PLCB1: variants seen among roughly 807,000 people sequenced by gnomAD.
PLCB1 encodes 1-phosphatidylinositol 4,5-bisphosphate phosphodiesterase beta-1.
A neutral mutation model predicts 161.8 loss-of-function variants in PLCB1; 46 were observed. That is an observed-to-expected ratio of 0.28 (90% CI 0.22 to 0.36). The LOEUF is 0.36. Among genes scored for constraint, PLCB1 ranks in the 10% least tolerant of loss-of-function variants. The pLI is 1.00. For synonymous variants in PLCB1, 517 were observed against 503.7 expected, an observed-to-expected ratio of 1.03 and a Z score of -0.35; for missense variants, 1,016 against 1,472.5, an observed-to-expected ratio of 0.69 and a Z score of 5.07.
intron 3 of PLCB1, among the ~76,000 whole-genome samples, chr20:8,413,745 G>A (rs1373504056): frequency 1.3e-5 from 2 of 152,162 alleles, no homozygotes; most frequent in African/African-American, 4.8e-5. Flanking sequence ...AACATATTCT[G>A]AATCTTTTAT....
At chr20:8,579,999 A>G (rs6055916) in intron 3 of PLCB1, among the ~76,000 whole-genome samples, 60,224 of 151,990 alleles carry the variant, frequency 0.4, 13,153 homozygotes, top group African/African-American at 0.6. Flanking sequence ...AGCTCTCTCT[A>G]TTGTCTGGTA....
At position 8,169,780 on chromosome 20, in the gene PLCB1, C is replaced by A. The variant is rs190444533; in HGVS notation, c.177+19409C>A. ...AGGACAGGGTGCGTGGTGCATGTGGCCTAGTCTACAATTGCTTCTGGCCTA... is the reference window on the plus strand; with the variant it reads ...AGGACAGGGTGCGTGGTGCATGTGGACTAGTCTACAATTGCTTCTGGCCTA... On this transcript the variant is annotated intron_variant, in intron 2 of 31. Transcript: ENST00000338037. Among the ~76,000 whole-genome samples, 24 of 152,184 alleles carry A rather than the reference C, an allele frequency of 1.6e-4. No homozygotes were observed. The East Asian group carries it at 4.6e-3, about 29-fold the overall frequency.
chr20:8,185,424 G>A (rs56328920), intron 2 of PLCB1, among the ~76,000 whole-genome samples: 23,350 of 152,016 alleles, frequency 0.15, 2,289 homozygotes, highest in Admixed American at 0.24. Context: ...CTAATGGGGA[G>A]CAGAAGGAAA....
At chr20:8,610,237 C>A (rs1303393477) in intron 3 of PLCB1, among the ~76,000 whole-genome samples, 2 of 152,154 alleles carry the variant, frequency 1.3e-5, no homozygotes, top group Non-Finnish European at 2.9e-5. Context: ...CAACCTAATA[C>A]CTGGTATGTA....
At chr20:8,619,916 G>A (rs937548310) in intron 3 of PLCB1, among the ~76,000 whole-genome samples, 2 of 152,128 alleles carry the variant, frequency 1.3e-5, no homozygotes, top group East Asian at 1.9e-4. Flanking sequence ...ATACTAAAAT[G>A]TTCTTGTCTC....
At chr20:8,249,396 A>G (rs1213577960) in intron 2 of PLCB1, 2 of 151,952 alleles carry the variant, frequency 1.3e-5, no homozygotes, top group African/African-American at 4.8e-5. Context: ...AAGTTAATAA[A>G]ACACTTCATC....
rs183694737 is a variant in PLCB1, at chr20:8,724,415, G to A, written c.1582-241G>A. Among the ~76,000 whole-genome samples the A allele has an allele frequency of 3.0e-3, 458 of 152,174 alleles. 1 individual carries two copies. The highest frequency in any genetic ancestry group is 3.7e-3 in the Non-Finnish European group (252 of 67,970). On this transcript the variant is annotated intron_variant, in intron 15 of 31. Transcript: ENST00000338037. ...GAAAGGAGGGGGCAGGGGATAGGGA[G>A]TGATTATGTTGGGGCCATGCTGCCA...
intron 9 of PLCB1, among the ~76,000 whole-genome samples, chr20:8,680,253 C>T (rs181137861): frequency 5.9e-5 from 9 of 152,144 alleles, no homozygotes; most frequent in Non-Finnish European, 1.0e-4. Flanking sequence ...TAGTCAATGG[C>T]GACAATAATA....
chr20:8,496,912 C>A (rs1486341718), intron 3 of PLCB1, among the ~76,000 whole-genome samples: 1 of 152,160 alleles, frequency 6.6e-6, no homozygotes, highest in African/African-American at 2.4e-5. Flanking sequence ...ATAATATCCT[C>A]ACTTTACAGG....
intron 2 of PLCB1, among the ~76,000 whole-genome samples, chr20:8,168,512 A>G (rs2051698411): frequency 6.6e-6 from 1 of 152,160 alleles, no homozygotes; most frequent in Non-Finnish European, 1.5e-5. Flanking sequence ...CTGAAAGAAG[A>G]TCCCTGTAAG....
At chr20:8,654,647 T>C (rs1989404246) in intron 7 of PLCB1, among the ~76,000 whole-genome samples, 1 of 152,098 alleles carries the variant, frequency 6.6e-6, no homozygotes, top group African/African-American at 2.4e-5. Flanking sequence ...GTGTCATGTC[T>C]AGCTGATGTG....
chr20:8,185,491 T>C (rs2051893260), intron 2 of PLCB1, among the ~76,000 whole-genome samples: 2 of 151,890 alleles, frequency 1.3e-5, no homozygotes, highest in African/African-American at 4.8e-5. Flanking sequence ...ATTTCTAAGG[T>C]ATGTTGATCG....
intron 3 of PLCB1, among the ~76,000 whole-genome samples, chr20:8,382,626 T>C (rs1987294502): frequency 6.8e-6 from 1 of 146,612 alleles, no homozygotes; most frequent in Admixed American, 6.9e-5. Flanking sequence ...CAGTTCACTC[T>C]TGTGCTCCAC....
chr20:8,331,668 G>A (rs1985370259), intron 2 of PLCB1, among the ~76,000 whole-genome samples: 1 of 151,796 alleles, frequency 6.6e-6, no homozygotes, highest in Admixed American at 6.5e-5. Flanking sequence ...CAAAGAGCTT[G>A]TTGTTAAAGT....
At chr20:8,259,190 G>C (rs1981572834) in intron 2 of PLCB1, among the ~76,000 whole-genome samples, 1 of 151,962 alleles carries the variant, frequency 6.6e-6, no homozygotes, top group Non-Finnish European at 1.5e-5. Context: ...TCTAGTTTTT[G>C]GTAATTACAA....
chr20:8,869,863 G>T (rs1987553332), intron 31 of PLCB1, among the ~76,000 whole-genome samples: 3 of 152,130 alleles, frequency 2.0e-5, no homozygotes, highest in Admixed American at 2.0e-4. Flanking sequence ...GATGAATCTA[G>T]GATAATTTGG....
intron 3 of PLCB1, among the ~76,000 whole-genome samples, chr20:8,383,466 G>T (rs1254855678): frequency 2.6e-5 from 4 of 152,070 alleles, no homozygotes; most frequent in Non-Finnish European, 5.9e-5. Flanking sequence ...ACGGCATACC[G>T]ATGGGTCTTG....
At chr20:8,730,025 GT>G (rs1980151850) in intron 18 of PLCB1, 1 of 151,706 alleles carries the variant, frequency 6.6e-6, no homozygotes, top group African/African-American at 2.4e-5. Flanking sequence ...ATGTTTCTTG[GT>G]TTTTGTATTT....
chr20:8,788,615 C>A lies in PLCB1; in HGVS notation c.3189-18C>A. ...TGATTTGCCTCTTTTTTCTCTTTTA[C>A]TTCCATTGTGACTTCAGAGAAAAGA... On this transcript the variant is annotated intron_variant, in intron 28 of 31. Transcript: ENST00000338037. The A allele has an allele frequency of 3.1e-6, 5 of 1,597,320 alleles. No homozygotes were observed. In the South Asian group the frequency reaches 5.6e-5, roughly 18 times the overall value.
Sources: allele counts gnomAD v4.1 joint callset (sites outside exome capture counted in the v4.1 genomes callset), GRCh38; gene constraint gnomAD v4.1.1; transcripts MANE v1.5; gene names NCBI Gene and HGNC (gene_info 2026-07-23, HGNC 2026-07-21).